The following FSTL4 variants were observed in gnomAD, a reference collection of about 807,000 sequenced individuals.
The protein encoded by FSTL4 is follistatin-related protein 4.
A neutral mutation model predicts 78.2 loss-of-function variants in FSTL4; 28 were observed. The ratio of observed to expected loss-of-function variants is 0.36; its 90% confidence interval spans 0.27 to 0.49. The LOEUF (loss-of-function observed/expected upper bound fraction) is 0.49, where lower values mean the gene tolerates loss of function less well. Ranked by LOEUF, FSTL4 falls within the 20% of genes least tolerant of loss-of-function variation. The probability of loss-of-function intolerance (pLI) is 0.98; values close to 1 mark genes in which losing one functional copy is unlikely to be tolerated. For synonymous variants in FSTL4, 422 were observed against 440.5 expected, an observed-to-expected ratio of 0.96 and a Z score of 0.53; for missense variants, 922 against 1,084.9, an observed-to-expected ratio of 0.85 and a Z score of 2.11.
At chr5:133,306,045 T>A (rs1459016657) in intron 6 of FSTL4, among the ~76,000 whole-genome samples, 1 of 152,258 alleles carries the variant, frequency 6.6e-6, no homozygotes, top group East Asian at 1.9e-4. Context: ...CTTGGGTATT[T>A]GTGGCTGACG....
At chr5:133,436,734 C>T (rs1000765628) in intron 3 of FSTL4, among the ~76,000 whole-genome samples, 8 of 151,996 alleles carry the variant, frequency 5.3e-5, no homozygotes, top group African/African-American at 1.2e-4. Context: ...CTTTTCCCAC[C>T]GAGAACCGGT....
At chr5:133,387,008 T>C (rs1410638659) in intron 4 of FSTL4, among the ~76,000 whole-genome samples, 1 of 151,752 alleles carries the variant, frequency 6.6e-6, no homozygotes, top group African/African-American at 2.4e-5. Flanking sequence ...TTTAGGGGAG[T>C]GAGAGTTTTT....
chr5:133,535,823 G>C (rs1195808828), intron 3 of FSTL4, among the ~76,000 whole-genome samples: 1 of 152,196 alleles, frequency 6.6e-6, no homozygotes, highest in Non-Finnish European at 1.5e-5. Context: ...AATTGGGTTA[G>C]AAATTATGGG....
intron 4 of FSTL4, among the ~76,000 whole-genome samples, chr5:133,349,614 CTTTG>C (rs1253462698): frequency 5.1e-5 from 7 of 137,996 alleles, no homozygotes; most frequent in Non-Finnish European, 9.1e-5. Flanking sequence ...ATAGGATGGA[CTTTG>C]TTTGTCATGC....
chr5:133,263,625 C>CAGAG (rs1752581947), intron 6 of FSTL4, among the ~76,000 whole-genome samples: 1 of 152,012 alleles, frequency 6.6e-6, no homozygotes, highest in Non-Finnish European at 1.5e-5. Flanking sequence ...ATGGGTTGGA[C>CAGAG]AGAGAACGGG....
the FSTL4 span, among the ~76,000 whole-genome samples, chr5:133,805,458 A>C: frequency 1.3e-5 from 2 of 152,350 alleles, no homozygotes; most frequent in South Asian, 4.1e-4. Flanking sequence ...CCACATGTGC[A>C]TATGAAAAGA....
rs148743446 is a variant in FSTL4 at position 133,225,717 on chromosome 5, G to A, written c.1118C>T (p.Thr373Ile). 20 of 1,612,544 alleles carry A rather than the reference G, an allele frequency of 1.2e-5. No homozygotes were observed. Among genetic ancestry groups the A allele is most frequent in the Admixed American group, 1.7e-5 (1 of 59,626 alleles). Residue 373 changes from threonine (T) to isoleucine (I), a missense_variant, in exon 9 of 16, where the codon ACT (threonine) becomes ATT (isoleucine). Coordinates refer to ENST00000265342, the MANE Select transcript of FSTL4 (RefSeq NM_015082.2). The surrounding 1 kb of genome is among the most constrained non-coding windows in gnomAD (Gnocchi z 4.6). ...HAEGIPMPRI[T>I]WLKNGVDVST... ...GACATCCACGCCGTTTTTCAGCCAA[G>A]TGATTCTGGGCATGGGAATGCCCTC...
rs758505609 is a variant in FSTL4 at position 133,224,185 on chromosome 5, G to A, written c.1339+5C>T. On this transcript the variant is annotated splice_donor_5th_base_variant and intron_variant, in intron 11 of 15. Coordinates refer to ENST00000265342, the MANE Select transcript of FSTL4 (RefSeq NM_015082.2). ...GGCATGACGCAAAACAATGAAGCTT[G>A]GTACCTTCCTCTCGCCACAGGATGT... 1.2e-6 allele frequency: 2 copies of A among 1,611,598 alleles called. No individual in the cohort carries two copies. The highest frequency in any genetic ancestry group is 1.7e-6 in the Non-Finnish European group (2 of 1,177,918).
chr5:133,423,593 T>C (rs961289794), intron 3 of FSTL4, among the ~76,000 whole-genome samples: 3 of 151,138 alleles, frequency 2.0e-5, no homozygotes, highest in African/African-American at 7.3e-5. Context: ...CATCGAGGGG[T>C]GGTGGGGATG....
the FSTL4 span, among the ~76,000 whole-genome samples, chr5:133,727,865 G>A: frequency 1.3e-5 from 2 of 152,196 alleles, no homozygotes; most frequent in Admixed American, 6.5e-5. Context: ...CCAAGAGCAC[G>A]AGGGCTGTTG....
chr5:133,727,563 G>T, the FSTL4 span, among the ~76,000 whole-genome samples: 1 of 152,212 alleles, frequency 6.6e-6, no homozygotes, highest in Admixed American at 6.5e-5. Flanking sequence ...GGGACTGGGA[G>T]AGACTGCCCT....
the FSTL4 span, among the ~76,000 whole-genome samples, chr5:133,799,744 C>T: frequency 1.4e-5 from 2 of 139,718 alleles, no homozygotes; most frequent in Non-Finnish European, 3.2e-5. Flanking sequence ...CCTAGCTGCC[C>T]TCACCTTGAC....
chr5:133,812,730 C>T, the FSTL4 span, among the ~76,000 whole-genome samples: 28,672 of 152,158 alleles, frequency 0.19, 2,934 homozygotes, highest in East Asian at 0.41. Flanking sequence ...TATTTACATA[C>T]CTGTTTATTG....
chr5:133,631,422 G>A, the FSTL4 span, among the ~76,000 whole-genome samples: 8 of 152,144 alleles, frequency 5.3e-5, no homozygotes, highest in Non-Finnish European at 8.8e-5. Flanking sequence ...CGTCATTAGA[G>A]AAATGCAAAT....
chr5:133,673,531 A>G, the FSTL4 span, among the ~76,000 whole-genome samples: 1 of 152,222 alleles, frequency 6.6e-6, no homozygotes, highest in African/African-American at 2.4e-5. Context: ...AAGATTGCCT[A>G]ATTAACCAGC....
chr5:133,541,758 C>A (rs1759477418), intron 3 of FSTL4, among the ~76,000 whole-genome samples: 1 of 152,116 alleles, frequency 6.6e-6, no homozygotes, highest in Non-Finnish European at 1.5e-5. Context: ...ATTTTTCTGA[C>A]ACCAAATAAC....
the FSTL4 span, among the ~76,000 whole-genome samples, chr5:133,817,793 G>C: frequency 6.6e-6 from 1 of 152,218 alleles, no homozygotes; most frequent in Non-Finnish European, 1.5e-5. Context: ...GCAGGTGAAA[G>C]CTGGGACAGA....
At chr5:133,747,846 A>G in the FSTL4 span, among the ~76,000 whole-genome samples, 1 of 152,076 alleles carries the variant, frequency 6.6e-6, no homozygotes, top group African/African-American at 2.4e-5. Context: ...ATGGTTTTAG[A>G]CAGTGATCCG....
chr5:133,224,646 C>T (rs1290862414), intron 10 of FSTL4, among the ~76,000 whole-genome samples: 1 of 152,222 alleles, frequency 6.6e-6, no homozygotes, highest in Admixed American at 6.5e-5. Context: ...GAGTCTTTGA[C>T]CATGATTAAC....
Sources: allele counts gnomAD v4.1 joint callset (sites outside exome capture counted in the v4.1 genomes callset), GRCh38; gene constraint gnomAD v4.1.1; non-coding constraint Gnocchi (gnomAD v3.1); transcripts MANE v1.5; gene names NCBI Gene and HGNC (gene_info 2026-07-23, HGNC 2026-07-21).